The following ZNF417 variants were observed in gnomAD, a reference collection of about 807,000 sequenced individuals.
ZNF417 encodes zinc finger protein 417.
ZNF417 carries 5 observed loss-of-function variants against 7.4 expected under a neutral mutation model. The observed-to-expected ratio is 0.68, with a 90% CI of 0.35 to 1.43. ZNF417 has a LOEUF of 1.43. Ranked by LOEUF, ZNF417 falls within the 40% of genes most tolerant of loss-of-function variation. ZNF417 has a pLI of 0.04. For synonymous variants in ZNF417, 147 were observed against 239.1 expected (o/e 0.61, Z 3.55); for missense variants, 437 against 697.3 (o/e 0.63, Z 4.20).
Position 57,909,022 on chromosome 19 carries a change from T to G in ZNF417, c.1256A>C (p.Tyr419Ser). The change falls in exon 3 of 3, where the codon TAC becomes TCC. Residue 419 changes from tyrosine (Y) to serine (S), a missense_variant. Around this residue, in one of 5 missense-constraint regions of ZNF417, gnomAD observed 233 missense variants for 235.5 expected, o/e 0.99. Transcript: ENST00000312026. ...ECKECGKSFR[Y>S]RSHLTEHQRL... Reference sequence around the variant, plus strand: ...CTGGTGTTCAGTGAGGTGGGATCTGTACCTAAATGATTTCCCACATTCCTT... The same window carrying G: ...CTGGTGTTCAGTGAGGTGGGATCTGGACCTAAATGATTTCCCACATTCCTT... 6.2e-7 allele frequency: 1 copy of G among 1,613,952 alleles called. No individual in the cohort carries two copies. The highest frequency in any genetic ancestry group is 1.1e-5 in the South Asian group (1 of 91,066).
At position 57,908,719 on chromosome 19, in the gene ZNF417, T is replaced by A; in HGVS notation, c.1559A>T (p.Tyr520Phe). Reference sequence around the variant, plus strand: ...GGATTTTCCACATTCACTGCACTTATAAGGCTTTTGTCCAGAATGAACTCT... The same window carrying A: ...GGATTTTCCACATTCACTGCACTTAAAAGGCTTTTGTCCAGAATGAACTCT... ...HKRVHSGQKP[Y>F]KCSECGKSFA... Residue 520 changes from tyrosine to phenylalanine, a missense_variant, in exon 3 of 3, where the codon TAT (tyrosine) becomes TTT (phenylalanine). This residue lies in a region of ZNF417 where 233 missense variants were observed against 235.5 expected (regional missense o/e 0.99). Coordinates refer to ENST00000312026, the MANE Select transcript of ZNF417 (RefSeq NM_152475.3). 1 of 1,614,184 alleles carries A rather than the reference T, an allele frequency of 6.2e-7. No homozygotes were observed. Among genetic ancestry groups the A allele is most frequent in the Non-Finnish European group, 8.5e-7 (1 of 1,180,032 alleles).
In ZNF417 at chr19:57,908,765, A is replaced by G. The variant is rs371919616; in HGVS notation, c.1513T>C (p.Ser505Pro). ...ACTCTTTTATGAACATGAAGCGCAG[A>G]GCTGGAAAGAAATGATTTCCCACAT... ...NECGKSFLSS[S>P]ALHVHKRVHS... is the part of the protein sequence containing the mutation. The change falls in exon 3 of 3, where the codon TCT (serine) becomes CCT (proline). Residue 505 changes from serine to proline, a missense_variant. Physicochemically the swap from Ser to Pro is moderately conservative, Grantham distance 74. Transcript: ENST00000312026. 32 of 1,613,532 alleles carry G rather than the reference A, an allele frequency of 2.0e-5. No homozygotes were observed. Among genetic ancestry groups the G allele is most frequent in the African/African-American group, 5.3e-5 (4 of 74,906 alleles).
intron 1 of ZNF417, among the ~76,000 whole-genome samples, chr19:57,913,711 C>T (rs190934830): frequency 6.6e-6 from 1 of 152,240 alleles, no homozygotes; most frequent in East Asian, 1.9e-4. Context: ...GTCTATGTCC[C>T]CTTCCAAACT....
At chr19:57,913,866 A>T (rs2071920930) in intron 1 of ZNF417, among the ~76,000 whole-genome samples, 1 of 152,070 alleles carries the variant, frequency 6.6e-6, no homozygotes. Context: ...AAGATTTACC[A>T]CCAAAATCTG....
Position 57,910,086 on chromosome 19 carries a change from C to T in ZNF417, c.192G>A (p.Glu64=), listed in dbSNP as rs539980672. 1 of 1,595,776 alleles carries T rather than the reference C, an allele frequency of 6.3e-7. No individual in the cohort carries two copies. The highest frequency in any genetic ancestry group is 2.2e-5 in the East Asian group (1 of 44,646). The change falls in exon 3 of 3, where the codon GAG becomes GAA. Residue 64 remains glutamate (E), a synonymous_variant. Coordinates refer to ENST00000312026, the MANE Select transcript of ZNF417 (RefSeq NM_152475.3). ...CAGAAATTCTCTGCTTACAAGGTGCCTCCTCATCTTTTGATCCACACCAAC... is the reference window on the plus strand; with the variant it reads ...CAGAAATTCTCTGCTTACAAGGTGCTTCCTCATCTTTTGATCCACACCAAC... ...LGCWCGSKDE[E]APCKQRISVQ...
chr19:57,909,813 T>C lies in ZNF417; in HGVS notation c.465A>G (p.Ala155=). Residue 155 remains alanine, a synonymous_variant, in exon 3 of 3, where the codon GCA becomes GCG. Coordinates refer to ENST00000312026, the MANE Select transcript of ZNF417 (RefSeq NM_152475.3). The part of the protein sequence containing the change: ...EKFYRKSVRE[A]SFVKKRKLRV... The stretch of plus-strand genomic sequence containing the variant: ...TGAGCTTACGTTTCTTTACAAACGA[T>C]GCTTCTCTGACACTCTTTCTGTAGA... 1 of 1,517,228 alleles carries C rather than the reference T, an allele frequency of 6.6e-7. No individual in the cohort carries two copies. The highest frequency in any genetic ancestry group is 8.9e-7 in the Non-Finnish European group (1 of 1,120,366). 94.0% of individuals were successfully genotyped at this position (1,517,228 alleles called of 1,614,324 possible). A position where few individuals can be genotyped will look rare whatever the true frequency, so the allele number is the denominator to read the frequency against.
chr19:57,912,502 A>C (rs2071907867), intron 1 of ZNF417, among the ~76,000 whole-genome samples: 2 of 152,072 alleles, frequency 1.3e-5, no homozygotes, highest in Admixed American at 1.3e-4. Flanking sequence ...CTCCCTCTCT[A>C]AATATACATC....
chr19:57,915,539 A>T, intron 1 of ZNF417: 1 of 438,380 alleles, frequency 2.3e-6, no homozygotes, highest in Non-Finnish European at 4.2e-6. Flanking sequence ...TAACTGAGGA[A>T]ATTATGACAG....
Position 57,916,458 on chromosome 19 carries a change from G to T in ZNF417, c.-47C>A. On this transcript the variant is annotated 5_prime_UTR_variant, in exon 1 of 3. Coordinates refer to ENST00000312026, the MANE Select transcript of ZNF417 (RefSeq NM_152475.3). ...GCCCGGGAGCAGTGGTCGCCGTCAC[G>T]GGGCTGCAGAGCCGCCTCTGGGCAC... 1 of 1,613,160 alleles carries T rather than the reference G, an allele frequency of 6.2e-7. No individual in the cohort carries two copies. Among genetic ancestry groups the T allele is most frequent in the Non-Finnish European group, 8.5e-7 (1 of 1,179,766 alleles).
chr19:57,915,382 T>G, intron 1 of ZNF417: 1 of 296,370 alleles, frequency 3.4e-6, no homozygotes, highest in Non-Finnish European at 6.4e-6. Context: ...CAGGGAGAGC[T>G]CCACCTCACA....
rs17852300 is a variant in ZNF417, at chr19:57,908,799, T to C, written c.1479A>G (p.Glu493=). ...QRIHTGERPY[E]CNECGKSFLS... is the part of the protein sequence containing the mutation. ...GAAATGATTTCCCACATTCATTGCATTCATACGGCCTTTCTCCAGTGTGAA... is the reference window on the plus strand; with the variant it reads ...GAAATGATTTCCCACATTCATTGCACTCATACGGCCTTTCTCCAGTGTGAA... Residue 493 remains glutamate (E), a synonymous_variant, in exon 3 of 3, where the codon GAA becomes GAG. Transcript: ENST00000312026. The C allele has an allele frequency of 0.28, 428,330 of 1,532,578 alleles. 69,722 individuals are homozygous for C. The highest frequency in any genetic ancestry group is 0.3 in the Non-Finnish European group (333,001 of 1,111,270). The allele number at this position is 1,532,578 out of a possible 1,614,324, so 94.9% of individuals were successfully genotyped here.
In ZNF417 at chr19:57,910,119, G is replaced by C. The variant is rs200133057; in HGVS notation, c.164-5C>G. On this transcript the variant is annotated splice_region_variant and splice_polypyrimidine_tract_variant and intron_variant, in intron 2 of 2. Coordinates refer to ENST00000312026, the MANE Select transcript of ZNF417 (RefSeq NM_152475.3). ...CTTTTGATCCACACCAACAACCTGAGAGCAAGAAAATGCTGGTCAAGTGCA... is the reference window on the plus strand; with the variant it reads ...CTTTTGATCCACACCAACAACCTGACAGCAAGAAAATGCTGGTCAAGTGCA... 6.2e-7 allele frequency: 1 copy of C among 1,605,910 alleles called. No individual in the cohort carries two copies. Among genetic ancestry groups the C allele is most frequent in the Admixed American group, 1.7e-5 (1 of 59,330 alleles).
intron 2 of ZNF417, among the ~76,000 whole-genome samples, chr19:57,911,679 G>A (rs2122530711): frequency 6.6e-6 from 1 of 152,262 alleles, no homozygotes; most frequent in East Asian, 1.9e-4. Flanking sequence ...GGTCTATGTA[G>A]GTAGTGACAA....
In ZNF417 at chr19:57,909,443, G is replaced by C; in HGVS notation, c.835C>G (p.Arg279Gly). Residue 279 changes from arginine (R) to glycine (G), a missense_variant, in exon 3 of 3, where the codon CGA (arginine) becomes GGA (glycine). Coordinates refer to ENST00000312026, the MANE Select transcript of ZNF417 (RefSeq NM_152475.3). ...DCGECGKSYS[R>G]KSSLIQHQRV... ...TGATGTTGAATAAGGCTGCTCTTTC[G>C]ACTATAAGATTTCCCACACTCTCCA... 1 of 1,613,768 alleles carries C rather than the reference G, an allele frequency of 6.2e-7. No homozygotes were observed.
intron 1 of ZNF417, among the ~76,000 whole-genome samples, chr19:57,913,196 A>G (rs912904209): frequency 2.0e-5 from 3 of 152,068 alleles, no homozygotes; most frequent in African/African-American, 7.2e-5. Flanking sequence ...TTGGGCCTTC[A>G]ATTCTGGCCT....
chr19:57,908,833 T>C lies in ZNF417; in HGVS notation c.1445A>G (p.His482Arg), dbSNP rs2071862543. 6.8e-6 allele frequency: 11 copies of C among 1,613,982 alleles called. No homozygotes were observed. Among genetic ancestry groups the C allele is most frequent in the Non-Finnish European group, 9.3e-6 (11 of 1,179,818 alleles). The change falls in exon 3 of 3, where the codon CAT becomes CGT. Residue 482 changes from histidine to arginine, a missense_variant. Around this residue, in one of 5 missense-constraint regions of ZNF417, gnomAD observed 233 missense variants for 235.5 expected, o/e 0.99. Coordinates refer to ENST00000312026, the MANE Select transcript of ZNF417 (RefSeq NM_152475.3). ...LFGNKNCVTI[H>R]QRIHTGERPY... ...CCTTTCTCCAGTGTGAATCCTCTGA[T>C]GTATAGTCACGCAGTTCTTATTACC...
At chr19:57,916,039 G>C (rs1298090564) in intron 1 of ZNF417, among the ~76,000 whole-genome samples, 1 of 152,196 alleles carries the variant, frequency 6.6e-6, no homozygotes, top group Non-Finnish European at 1.5e-5. Context: ...AATTAATGTT[G>C]AAAACTCTGA....
chr19:57,916,432 G>C lies in ZNF417; in HGVS notation c.-21C>G, dbSNP rs376922713. On this transcript the variant is annotated 5_prime_UTR_variant, in exon 1 of 3. Coordinates refer to ENST00000312026, the MANE Select transcript of ZNF417 (RefSeq NM_152475.3). ...GCCATCGGACTACTTGGGGAAGCAC[G>C]GCCCGGGAGCAGTGGTCGCCGTCAC... The C allele has an allele frequency of 1.2e-6, 2 of 1,613,878 alleles. No homozygotes were observed. The highest frequency in any genetic ancestry group is 4.5e-5 in the East Asian group (2 of 44,888).
rs542416396 is a variant in ZNF417, at chr19:57,910,941, C to T, written c.164-827G>A. 7.2e-5 allele frequency among the ~76,000 whole-genome samples: 11 copies of T among 151,992 alleles called. 1 individual carries two copies. Among genetic ancestry groups the T allele is most frequent in the East Asian group, 1.9e-4 (1 of 5,164 alleles). ...AGGCCTGTAATCCCAGCTACTTGGGCGGCTGAGGCAGGAAAATCACTTCAA... is the reference window on the plus strand; with the variant it reads ...AGGCCTGTAATCCCAGCTACTTGGGTGGCTGAGGCAGGAAAATCACTTCAA... On this transcript the variant is annotated intron_variant, in intron 2 of 2. Transcript: ENST00000312026.
Sources: gnomAD v4.1 joint callset for allele counts (sites outside exome capture counted in the v4.1 genomes callset) on GRCh38, gnomAD v4.1.1 for gene constraint, gnomAD v4.1.1 regional missense constraint, MANE v1.5 for transcripts, NCBI Gene and HGNC (gene_info 2026-07-23, HGNC 2026-07-21) for gene names.